NRXN1: variants seen among roughly 807,000 people sequenced by gnomAD.
NRXN1 encodes neurexin 1, also known as neurexin-1.
Under a neutral mutation model 150.9 loss-of-function variants are expected in NRXN1, and 39 were observed. That is an observed-to-expected ratio of 0.26 (90% CI 0.20 to 0.34). NRXN1 has a LOEUF of 0.34. Among genes scored for constraint, NRXN1 ranks in the 10% least tolerant of loss-of-function variants. NRXN1 has a pLI of 1.00. For synonymous variants in NRXN1, 924 were observed against 757.0 expected (o/e 1.22, Z -3.62); for missense variants, 1,815 against 1,949.9 (o/e 0.93, Z 1.30).
intron 13 of NRXN1, among the ~76,000 whole-genome samples, chr2:50,501,302 G>A (rs1218037482): frequency 6.6e-6 from 1 of 151,976 alleles, no homozygotes. Context: ...AGGAGCGGGA[G>A]CGCCAGGGTC....
rs6720976 is a variant in NRXN1 at position 50,390,340 on chromosome 2, G to A, written c.3364+75102C>T. On this transcript the variant is annotated intron_variant, in intron 17 of 22. Transcript: ENST00000401669. Reference sequence around the variant, plus strand: ...ATGAATCAAAAGGGAAGTCCCCTTTGTACATTCTTCTTTTAACTTATAAAA... The same window carrying A: ...ATGAATCAAAAGGGAAGTCCCCTTTATACATTCTTCTTTTAACTTATAAAA... 7.3e-3 allele frequency among the ~76,000 whole-genome samples: 1,112 copies of A among 152,048 alleles called. 20 individuals carry two copies. The highest frequency in any genetic ancestry group is 0.025 in the African/African-American group (1,054 of 41,492).
chr2:50,188,629 CA>C (rs1179453919), intron 18 of NRXN1, among the ~76,000 whole-genome samples: 1 of 151,134 alleles, frequency 6.6e-6, no homozygotes. Context: ...ATCCAGCTGA[CA>C]AATAGCTAAT....
intron 17 of NRXN1, among the ~76,000 whole-genome samples, chr2:50,447,622 A>T (rs2086547968): frequency 1.4e-5 from 2 of 146,838 alleles, no homozygotes; most frequent in African/African-American, 5.0e-5. Context: ...TTATTTTTAG[A>T]AATAATCAGA....
intron 13 of NRXN1, among the ~76,000 whole-genome samples, chr2:50,500,321 G>C (rs1160853801): frequency 6.6e-6 from 1 of 151,926 alleles, no homozygotes; most frequent in Non-Finnish European, 1.5e-5. Context: ...CAACAGCATT[G>C]AAGCAACTAT....
chr2:50,012,490 C>A (rs1685864096), intron 21 of NRXN1, among the ~76,000 whole-genome samples: 1 of 152,032 alleles, frequency 6.6e-6, no homozygotes. Context: ...TTCTGGTTTT[C>A]ATTTTTCTTT....
chr2:50,253,395 C>T (rs888517786), intron 17 of NRXN1, among the ~76,000 whole-genome samples: 2 of 152,114 alleles, frequency 1.3e-5, no homozygotes, highest in African/African-American at 4.8e-5. Flanking sequence ...TATTTGAATA[C>T]CCCTTATTTC....
intron 21 of NRXN1, among the ~76,000 whole-genome samples, chr2:50,035,191 A>T (rs1689839973): frequency 6.6e-6 from 1 of 152,132 alleles, no homozygotes; most frequent in Non-Finnish European, 1.5e-5. Context: ...ATTTCAAAAC[A>T]TATCTTTTTA....
At chr2:50,446,198 G>A (rs1380508346) in intron 17 of NRXN1, among the ~76,000 whole-genome samples, 5 of 152,030 alleles carry the variant, frequency 3.3e-5, no homozygotes, top group Admixed American at 1.3e-4. Context: ...AAATAATGGT[G>A]CAACTAGTTG....
intron 12 of NRXN1, among the ~76,000 whole-genome samples, chr2:50,526,512 T>A (rs1026447522): frequency 3.9e-5 from 6 of 152,150 alleles, no homozygotes; most frequent in Non-Finnish European, 7.3e-5. Context: ...TTAATTTAGT[T>A]TTTATTGAGT....
intron 5 of NRXN1, among the ~76,000 whole-genome samples, chr2:50,634,432 T>A (rs1357302151): frequency 6.6e-6 from 1 of 152,196 alleles, no homozygotes; most frequent in Non-Finnish European, 1.5e-5. Flanking sequence ...CTAGGATCTA[T>A]TTTATAGGGT....
At chr2:50,396,141 G>A (rs2082037810) in intron 17 of NRXN1, among the ~76,000 whole-genome samples, 2 of 152,130 alleles carry the variant, frequency 1.3e-5, no homozygotes, top group South Asian at 4.1e-4. Flanking sequence ...ACACCTGAGA[G>A]CAATGCAAAT....
At chr2:50,822,402 A>C (rs1272990644) in intron 5 of NRXN1, among the ~76,000 whole-genome samples, 2 of 152,164 alleles carry the variant, frequency 1.3e-5, no homozygotes, top group Non-Finnish European at 2.9e-5. Flanking sequence ...AGTTATATTT[A>C]AGTGATTGAA....
chr2:51,021,972 A>G (rs1006420591), intron 2 of NRXN1, among the ~76,000 whole-genome samples: 3 of 152,108 alleles, frequency 2.0e-5, no homozygotes, highest in Non-Finnish European at 4.4e-5. Flanking sequence ...ACATATTTTG[A>G]GTAACAGCTA....
chr2:50,252,253 C>CTTTTTTTTTT (rs2067187876), intron 17 of NRXN1, among the ~76,000 whole-genome samples: 1 of 58,860 alleles, frequency 1.7e-5, no homozygotes, highest in African/African-American at 6.8e-5. Context: ...TTTCTTTTTT[C>CTTTTTTTTTT]TTTTCTTTTT....
intron 5 of NRXN1, among the ~76,000 whole-genome samples, chr2:50,705,303 A>T (rs1306704785): frequency 6.6e-6 from 1 of 152,156 alleles, no homozygotes; most frequent in East Asian, 1.9e-4. Context: ...ATTTTATTTA[A>T]ACAAATAAAT....
chr2:50,812,746 G>A (rs1427893776), intron 5 of NRXN1, among the ~76,000 whole-genome samples: 13 of 148,246 alleles, frequency 8.8e-5, no homozygotes, highest in East Asian at 2.0e-4. Context: ...GTGTGTGAGC[G>A]CATGTGTGTG....
At chr2:50,352,673 G>A (rs2078494032) in intron 17 of NRXN1, among the ~76,000 whole-genome samples, 1 of 151,196 alleles carries the variant, frequency 6.6e-6, no homozygotes, top group African/African-American at 2.4e-5. Flanking sequence ...GAGCTGTAAA[G>A]CTAAACCCCT....
chr2:50,232,703 C>A (rs2065061560), intron 18 of NRXN1, among the ~76,000 whole-genome samples: 1 of 151,908 alleles, frequency 6.6e-6, no homozygotes, highest in South Asian at 2.1e-4. Context: ...TATTAATCAT[C>A]ACCATTATTA....
intron 5 of NRXN1, among the ~76,000 whole-genome samples, chr2:50,759,175 T>C (rs1701504358): frequency 6.6e-6 from 1 of 151,982 alleles, no homozygotes. Flanking sequence ...AAATTGTAGA[T>C]AAATTGCATA....
Sources: allele counts gnomAD v4.1 joint callset (sites outside exome capture counted in the v4.1 genomes callset), GRCh38; gene constraint gnomAD v4.1.1; transcripts MANE v1.5; gene names NCBI Gene and HGNC (gene_info 2026-07-23, HGNC 2026-07-21).